The following TMEM168 variants were observed in gnomAD, a reference collection of about 807,000 sequenced individuals.
The protein encoded by TMEM168 is transmembrane protein 168.
Under a neutral mutation model 53.2 loss-of-function variants are expected in TMEM168, and 40 were observed. The ratio of observed to expected loss-of-function variants is 0.75; its 90% CI spans 0.58 to 0.98. The LOEUF is 0.98. Ranked by LOEUF, TMEM168 falls within the 50% of genes least tolerant of loss-of-function variation. The pLI, the probability that TMEM168 is intolerant of heterozygous loss-of-function variation, is 0.00. For missense variants in TMEM168, 771 were observed against 828.8 expected, an observed-to-expected ratio of 0.93 and a Z score of 0.86; for synonymous variants, 282 against 293.0, an observed-to-expected ratio of 0.96 and a Z score of 0.38.
intron 2 of TMEM168, among the ~76,000 whole-genome samples, chr7:112,776,232 T>G (rs187203631): frequency 8.6e-4 from 130 of 151,362 alleles, no homozygotes; most frequent in Admixed American, 1.7e-3. Context: ...CAATCAAAAT[T>G]TAACAGAAGA....
intron 1 of TMEM168, chr7:112,788,305 A>G (rs1793447312): frequency 1.3e-5 from 2 of 152,174 alleles, no homozygotes; most frequent in Non-Finnish European, 2.9e-5. Context: ...AAGTGCACAC[A>G]TATATTAATC....
At chr7:112,769,590 A>T (rs1792878755) in intron 4 of TMEM168, among the ~76,000 whole-genome samples, 1 of 152,084 alleles carries the variant, frequency 6.6e-6, no homozygotes, top group Non-Finnish European at 1.5e-5. Context: ...CTTTCTAAAC[A>T]ATTTCTCTTG....
At chr7:112,773,191 T>C in intron 3 of TMEM168, 136 bp from the exon 4 acceptor site, 1 of 871,914 alleles carries the variant, frequency 1.1e-6, no homozygotes, top group Non-Finnish European at 1.7e-6. Context: ...TCACCCTTTC[T>C]AAAATTCCTA....
intron 1 of TMEM168, among the ~76,000 whole-genome samples, chr7:112,786,533 T>C (rs1474984567): frequency 6.6e-6 from 1 of 152,196 alleles, no homozygotes. Context: ...TGTCTTCCTT[T>C]GGTATATTTT....
At chr7:112,769,355 G>A (rs899699113) in intron 4 of TMEM168, among the ~76,000 whole-genome samples, 9 of 151,946 alleles carry the variant, frequency 5.9e-5, no homozygotes, top group African/African-American at 1.2e-4. Flanking sequence ...TTCAAAAATG[G>A]CCAAATGTTA....
chr7:112,780,943 CAAAAA>C (rs1222902089), intron 2 of TMEM168, among the ~76,000 whole-genome samples: 137 of 60,018 alleles, frequency 2.3e-3, no homozygotes, highest in African/African-American at 7.0e-3. Context: ...TGATCCGTAT[CAAAAA>C]AAAAAAAAAA....
chr7:112,772,774 A>C lies in TMEM168; in HGVS notation c.1546+7T>G. The C allele has an allele frequency of 2.5e-6, 4 of 1,607,932 alleles. No homozygotes were observed. The highest frequency in any genetic ancestry group is 3.4e-6 in the Non-Finnish European group (4 of 1,175,182). The stretch of plus-strand genomic sequence containing the variant: ...TACAATAGTGAAACTGCCAAAGGTG[A>C]GTTTACCTGCTAGAGCCCACTCTCC... On this transcript the variant is annotated splice_region_variant and intron_variant, in intron 4 of 4. Transcript: ENST00000312814.
intron 2 of TMEM168, among the ~76,000 whole-genome samples, chr7:112,781,165 T>G (rs140262703): frequency 9.7e-4 from 146 of 151,164 alleles, no homozygotes; most frequent in African/African-American, 3.4e-3. Context: ...AGTAGACAAT[T>G]CAGGAACTAT....
In TMEM168 at chr7:112,784,383, C is replaced by T. The variant is rs748498366; in HGVS notation, c.443G>A (p.Arg148His). The T allele has an allele frequency of 2.5e-6, 4 of 1,614,138 alleles. No individual in the cohort carries two copies. The highest frequency in any genetic ancestry group is 4.5e-5 in the East Asian group (2 of 44,864). ...TGTGGTTAGTAAAGTGGGCCGATGA[C>T]GGACATAACCAGAAATTCTCTCCAC... is the stretch of plus-strand genomic sequence containing the variant. ...SLVERISGYV[R>H]HRPTLLTTVE... Residue 148 changes from arginine to histidine, a missense_variant, in exon 2 of 5, where the codon CGT becomes CAT. By Grantham distance (29) the Arg-to-His change is conservative. Coordinates refer to ENST00000312814, the MANE Select transcript of TMEM168 (RefSeq NM_022484.6).
intron 1 of TMEM168, among the ~76,000 whole-genome samples, chr7:112,786,185 G>C (rs146461654): frequency 0.017 from 2,518 of 152,262 alleles, 38 homozygotes; most frequent in Non-Finnish European, 0.023. Context: ...CTGGGGGATA[G>C]AGCGAGACTC....
In TMEM168 at chr7:112,766,882, A is replaced by G. The variant is rs1268689536; in HGVS notation, c.*315T>C. ...GAAAATAAGGCATTAGTAATTCATC[A>G]TTGACCATTGCAGAGCATAGACAAC... On this transcript the variant is annotated 3_prime_UTR_variant, in exon 5 of 5. Transcript: ENST00000312814. 1 of 245,374 alleles carries G rather than the reference A, an allele frequency of 4.1e-6. No individual in the cohort carries two copies. Among genetic ancestry groups the G allele is most frequent in the African/African-American group, 2.3e-5 (1 of 44,118 alleles). 15.2% of individuals were successfully genotyped at this position (245,374 alleles called of 1,614,324 possible).
rs1792785469 is a variant in TMEM168 at position 112,766,607 on chromosome 7, G to A, written c.*590C>T. ...AATATTTTGATCTAAAATGTAACTT[G>A]GGTTCTCTGCCACACTGGTAATAAG... On this transcript the variant is annotated 3_prime_UTR_variant, in exon 5 of 5. Coordinates refer to ENST00000312814, the MANE Select transcript of TMEM168 (RefSeq NM_022484.6). 1 of 152,634 alleles carries A rather than the reference G, an allele frequency of 6.6e-6. No homozygotes were observed. The highest frequency in any genetic ancestry group is 1.5e-5 in the Non-Finnish European group (1 of 68,086). The allele number at this position is 152,634 out of a possible 1,614,324, so 9.5% of individuals were successfully genotyped here. A position where few individuals can be genotyped will look rare whatever the true frequency, so the allele number is the denominator to read the frequency against.
At chr7:112,779,711 G>C (rs1584446332) in intron 2 of TMEM168, among the ~76,000 whole-genome samples, 1 of 152,250 alleles carries the variant, frequency 6.6e-6, no homozygotes, top group African/African-American at 2.4e-5. Context: ...CTAGTTATTA[G>C]ATCTCTATTC....
At chr7:112,785,901 A>C (rs1163418734) in intron 1 of TMEM168, among the ~76,000 whole-genome samples, 1 of 152,178 alleles carries the variant, frequency 6.6e-6, no homozygotes, top group Non-Finnish European at 1.5e-5. Flanking sequence ...AAGAGAACCC[A>C]ATCAGATATT....
chr7:112,762,692 A>G lies in TMEM168; in HGVS notation c.*4505T>C, dbSNP rs1792692881. The G allele has an allele frequency of 6.6e-6, 1 of 152,070 alleles. No individual in the cohort carries two copies. The highest frequency in any genetic ancestry group is 1.5e-5 in the Non-Finnish European group (1 of 67,922). 9.4% of individuals were successfully genotyped at this position (152,070 alleles called of 1,614,324 possible). A position where few individuals can be genotyped will look rare whatever the true frequency, so the allele number is the denominator to read the frequency against. On this transcript the variant is annotated 3_prime_UTR_variant, in exon 5 of 5. Coordinates refer to ENST00000312814, the MANE Select transcript of TMEM168 (RefSeq NM_022484.6). ...ATGGCTTTTAGGTATTGAATATTTC[A>G]AAGCAAAAAACCTTACGGGTAGCCC...
rs1446526747 is a variant in TMEM168 at position 112,784,700 on chromosome 7, G to T, written c.126C>A (p.Ile42=). 1.2e-6 allele frequency: 2 copies of T among 1,613,804 alleles called. No homozygotes were observed. The highest frequency in any genetic ancestry group is 3.3e-5 in the Admixed American group (2 of 59,974). ...CTAAGCATATAGCAACCAATAAATTGATTCTGGCTAAATAGCCAAGATACC... is the reference window on the plus strand; with the variant it reads ...CTAAGCATATAGCAACCAATAAATTTATTCTGGCTAAATAGCCAAGATACC... ...SVRYLGYLAR[I]NLLVAICLGL... Residue 42 remains isoleucine (I), a synonymous_variant, in exon 2 of 5, where the codon ATC becomes ATA. Coordinates refer to ENST00000312814, the MANE Select transcript of TMEM168 (RefSeq NM_022484.6).
intron 2 of TMEM168, among the ~76,000 whole-genome samples, chr7:112,776,914 T>C (rs1202444996): frequency 6.6e-6 from 1 of 152,088 alleles, no homozygotes; most frequent in Admixed American, 6.5e-5. Flanking sequence ...TGCTTACAGT[T>C]TGCCATTACA....
rs1305328427 is a variant in TMEM168 at position 112,767,519 on chromosome 7, T to C, written c.1772A>G (p.Asp591Gly). 5.6e-6 allele frequency: 9 copies of C among 1,614,042 alleles called. No individual in the cohort carries two copies. The highest frequency in any genetic ancestry group is 2.2e-5 in the South Asian group (2 of 91,086). The change falls in exon 5 of 5, where the codon GAC becomes GGC. Residue 591 changes from aspartate to glycine, a missense_variant. Coordinates refer to ENST00000312814, the MANE Select transcript of TMEM168 (RefSeq NM_022484.6). ...DPPQLGDFTK[D>G]WVEYNCNSSN... is the part of the protein sequence containing the mutation. ...GGAGTTGCAGTTATATTCTACCCAG[T>C]CTTTTGTAAAGTCACCTAGCTGTGG...
intron 1 of TMEM168, among the ~76,000 whole-genome samples, chr7:112,785,606 ATCTC>A (rs1175170796): frequency 6.6e-6 from 1 of 152,176 alleles, no homozygotes; most frequent in African/African-American, 2.4e-5. Flanking sequence ...TCTAAACACT[ATCTC>A]TATAGCAAAC....
Sources: allele counts gnomAD v4.1 joint callset (sites outside exome capture counted in the v4.1 genomes callset), GRCh38; gene constraint gnomAD v4.1.1; transcripts MANE v1.5; gene names NCBI Gene and HGNC (gene_info 2026-07-23, HGNC 2026-07-21).